The following SUPT3H variants were observed in gnomAD, a reference collection of about 807,000 sequenced individuals.
SUPT3H encodes the protein transcription initiation protein SPT3 homolog.
In SUPT3H, 44 loss-of-function variants were observed where a neutral mutation model predicts 44.3. The observed-to-expected ratio is 0.99, with a 90% CI of 0.78 to 1.28. SUPT3H has a LOEUF of 1.28. SUPT3H is among the 50% of genes most tolerant of loss of function. SUPT3H has a pLI of 0.00. For missense variants in SUPT3H, 380 were observed against 387.1 expected, an observed-to-expected ratio of 0.98 and a Z score of 0.15; for synonymous variants, 124 against 125.6, an observed-to-expected ratio of 0.99 and a Z score of 0.09.
At chr6:45,217,704 G>A (rs578020962) in intron 2 of SUPT3H, among the ~76,000 whole-genome samples, 2 of 152,030 alleles carry the variant, frequency 1.3e-5, no homozygotes, top group African/African-American at 4.8e-5. Flanking sequence ...CAGTCTGATC[G>A]ACATGGCAAA....
chr6:45,158,111 A>T (rs912926498), intron 2 of SUPT3H, among the ~76,000 whole-genome samples: 1 of 145,860 alleles, frequency 6.9e-6, no homozygotes, highest in East Asian at 2.0e-4. Context: ...TATATATTAT[A>T]TAATTATTTT....
intron 10 of SUPT3H, among the ~76,000 whole-genome samples, chr6:44,839,694 C>T (rs1168143557): frequency 6.6e-6 from 1 of 151,916 alleles, no homozygotes; most frequent in African/African-American, 2.4e-5. Context: ...ATGAAAAATT[C>T]AGCACCAGTT....
intron 10 of SUPT3H, among the ~76,000 whole-genome samples, chr6:44,863,329 T>C (rs1774965192): frequency 6.6e-6 from 1 of 152,052 alleles, no homozygotes; most frequent in African/African-American, 2.4e-5. Context: ...ACACATGCTA[T>C]GGGATGAAAA....
At chr6:44,949,534 T>C (rs900276742) in intron 9 of SUPT3H, among the ~76,000 whole-genome samples, 2 of 151,522 alleles carry the variant, frequency 1.3e-5, no homozygotes, top group African/African-American at 4.9e-5. Flanking sequence ...GTGAAAAATA[T>C]GTGTTTGATA....
rs1782331290 is a variant in SUPT3H at position 45,003,760 on chromosome 6, T to C, written c.397A>G (p.Arg133Gly). 5.0e-6 allele frequency: 8 copies of C among 1,613,666 alleles called. No homozygotes were observed. Among genetic ancestry groups the C allele is most frequent in the South Asian group, 1.1e-5 (1 of 91,058 alleles). ...KLSGSNNANKRQKIAQDFLNS... is the reference protein window; with the variant it reads ...KLSGSNNANKGQKIAQDFLNS... ...AGGAAGTCCTGAGCAATCTTTTGTC[T>C]TTTGTTCGCATTATTGCTGCCACTC... The change falls in exon 6 of 11, where the codon AGA (arginine) becomes GGA (glycine). Residue 133 changes from arginine to glycine, a missense_variant. Arg to Gly is a moderately radical substitution (Grantham distance 125). Coordinates refer to ENST00000371459, the MANE Select transcript of SUPT3H (RefSeq NM_003599.4).
At chr6:45,009,463 A>G (rs1214560253) in intron 5 of SUPT3H, among the ~76,000 whole-genome samples, 1 of 152,158 alleles carries the variant, frequency 6.6e-6, no homozygotes, top group African/African-American at 2.4e-5. Context: ...ATTTAGGTCT[A>G]TGATCCATAT....
intron 2 of SUPT3H, among the ~76,000 whole-genome samples, chr6:45,123,755 G>A (rs571311731): frequency 1.3e-5 from 2 of 152,202 alleles, no homozygotes; most frequent in South Asian, 4.2e-4. Flanking sequence ...GGTCTCTTTT[G>A]CACAATGGCC....
intron 3 of SUPT3H, among the ~76,000 whole-genome samples, chr6:45,068,725 C>G (rs1157548275): frequency 6.9e-6 from 1 of 144,858 alleles, no homozygotes; most frequent in Admixed American, 6.8e-5. Flanking sequence ...GATCATGTAG[C>G]TAGTGTGCTT....
intron 3 of SUPT3H, among the ~76,000 whole-genome samples, chr6:45,021,272 C>T (rs773331111): frequency 2.0e-5 from 3 of 151,756 alleles, no homozygotes; most frequent in African/African-American, 7.3e-5. Flanking sequence ...GTTAGATTCC[C>T]CCTGAAATGT....
intron 2 of SUPT3H, among the ~76,000 whole-genome samples, chr6:45,299,881 C>T (rs1243918063): frequency 1.3e-5 from 2 of 150,834 alleles, no homozygotes; most frequent in Non-Finnish European, 2.9e-5. Context: ...TTTTATTGTC[C>T]AACATTTTGT....
chr6:45,175,609 C>G (rs1811628049), intron 2 of SUPT3H, among the ~76,000 whole-genome samples: 1 of 152,238 alleles, frequency 6.6e-6, no homozygotes, highest in African/African-American at 2.4e-5. Context: ...TTATCTCTAG[C>G]AGCAGTACTC....
intron 2 of SUPT3H, among the ~76,000 whole-genome samples, chr6:45,271,692 T>C (rs1454037049): frequency 2.0e-5 from 3 of 147,718 alleles, no homozygotes; most frequent in African/African-American, 7.9e-5. Flanking sequence ...ACTGCGGCAC[T>C]CCTTGGTGGA....
chr6:45,259,674 T>C (rs1203261501), intron 2 of SUPT3H, among the ~76,000 whole-genome samples: 1 of 152,064 alleles, frequency 6.6e-6, no homozygotes, highest in Non-Finnish European at 1.5e-5. Context: ...TAGAGAAAAC[T>C]TTAGTGCATA....
chr6:44,916,099 G>A (rs558644299), intron 10 of SUPT3H, among the ~76,000 whole-genome samples: 4 of 152,224 alleles, frequency 2.6e-5, no homozygotes, highest in African/African-American at 9.6e-5. Context: ...ATTTTCACAG[G>A]TGTACAAAGA....
At chr6:45,076,553 G>T (rs1480291784) in intron 3 of SUPT3H, among the ~76,000 whole-genome samples, 1 of 151,126 alleles carries the variant, frequency 6.6e-6, no homozygotes, top group Non-Finnish European at 1.5e-5. Flanking sequence ...GATACAAACA[G>T]GCTCTTCCAA....
At chr6:45,216,599 A>G (rs1334432714) in intron 2 of SUPT3H, among the ~76,000 whole-genome samples, 1 of 152,184 alleles carries the variant, frequency 6.6e-6, no homozygotes, top group East Asian at 1.9e-4. Flanking sequence ...GAAAGTGAAA[A>G]GATGCCAAAG....
chr6:44,959,789 C>T (rs777695888), intron 7 of SUPT3H, among the ~76,000 whole-genome samples: 8 of 152,114 alleles, frequency 5.3e-5, no homozygotes, highest in Admixed American at 1.3e-4. Flanking sequence ...CCAGGGATGG[C>T]TATGATCAAA....
chr6:44,887,699 A>C (rs1311278376), intron 10 of SUPT3H, among the ~76,000 whole-genome samples: 1 of 151,558 alleles, frequency 6.6e-6, no homozygotes, highest in Non-Finnish European at 1.5e-5. Flanking sequence ...TAACATCACA[A>C]TTAAAAGAAC....
intron 2 of SUPT3H, among the ~76,000 whole-genome samples, chr6:45,315,519 T>A (rs571565019): frequency 6.6e-6 from 1 of 152,036 alleles, no homozygotes; most frequent in African/African-American, 2.4e-5. Flanking sequence ...AACAAACACA[T>A]GAAAAAATGC....
Sources: gnomAD v4.1 joint callset for allele counts (sites outside exome capture counted in the v4.1 genomes callset) on GRCh38, gnomAD v4.1.1 for gene constraint, MANE v1.5 for transcripts, NCBI Gene and HGNC (gene_info 2026-07-23, HGNC 2026-07-21) for gene names.